The following PTPN23 variants were observed in gnomAD, a reference collection of about 807,000 sequenced individuals.
The protein encoded by PTPN23 is tyrosine-protein phosphatase non-receptor type 23.
PTPN23 carries 72 observed loss-of-function variants against 156.3 expected under a neutral mutation model. The ratio of observed to expected loss-of-function variants is 0.46; its 90% confidence interval spans 0.38 to 0.56. The LOEUF (loss-of-function observed/expected upper bound fraction) is 0.56. Ranked by LOEUF, PTPN23 falls within the 20% of genes least tolerant of loss-of-function variation. The probability of loss-of-function intolerance (pLI) is 0.00; values close to 1 mark genes in which losing one functional copy is unlikely to be tolerated. For missense variants in PTPN23, 1,974 were observed against 2,171.5 expected (o/e 0.91, Z 1.81); for synonymous variants, 957 against 899.6 (o/e 1.06, Z -1.14).
Position 47,409,258 on chromosome 3 carries a change from C to T in PTPN23, c.1738C>T (p.Leu580Phe), listed in dbSNP as rs746082375. Residue 580 changes from leucine to phenylalanine, a missense_variant, in exon 17 of 25, where the codon CTT becomes TTT. Around this residue, in one of 4 missense-constraint regions of PTPN23, gnomAD observed 726 missense variants for 929.5 expected, o/e 0.78. Coordinates refer to ENST00000265562, the MANE Select transcript of PTPN23 (RefSeq NM_015466.4). ...RVSLEQQLRELIQKDDITASL... is the reference protein window; with the variant it reads ...RVSLEQQLREFIQKDDITASL... Reference sequence around the variant, plus strand: ...GTCCCTGGAGCAGCAGCTGCGTGAGCTTATCCAGAAAGATGACATCACTGC... The same window carrying T: ...GTCCCTGGAGCAGCAGCTGCGTGAGTTTATCCAGAAAGATGACATCACTGC... 362 of 1,614,162 alleles carry T rather than the reference C, an allele frequency of 2.2e-4. 4 individuals carry two copies. The highest frequency in any genetic ancestry group is 2.2e-3 in the South Asian group (196 of 91,088).
At chr3:47,408,076 G>T (rs966612432) in intron 14 of PTPN23, 121 bp downstream of exon 14, 1 of 1,274,048 alleles carries the variant, frequency 7.8e-7, no homozygotes. Flanking sequence ...GTTTCCCAAT[G>T]CTGCCTTCCC....
In PTPN23 at chr3:47,406,659, C is replaced by A. The variant is rs770012889; in HGVS notation, c.760-44C>A. 1 of 1,613,920 alleles carries A rather than the reference C, an allele frequency of 6.2e-7. No individual in the cohort carries two copies. Among genetic ancestry groups the A allele is most frequent in the Non-Finnish European group, 8.5e-7 (1 of 1,179,938 alleles). On this transcript the variant is annotated intron_variant, in intron 8 of 24. Coordinates refer to ENST00000265562, the MANE Select transcript of PTPN23 (RefSeq NM_015466.4). This position sits in a 1 kb window ranked among gnomAD's most constrained non-coding sequence, Gnocchi z 5.8. ...GCGGGGCAGGGCGGGGCTGAGTGGC[C>A]ACAGCTCAGGAAGCAAGTCGTGGCG...
At chr3:47,399,717 C>T (rs1029961932) in intron 2 of PTPN23, among the ~76,000 whole-genome samples, 7 of 152,182 alleles carry the variant, frequency 4.6e-5, no homozygotes, top group Non-Finnish European at 8.8e-5. Flanking sequence ...TTTTCCAGTG[C>T]GAAAAAAGCT....
Position 47,411,321 on chromosome 3 carries a change from C to T in PTPN23, c.3523C>T (p.Gln1175Ter). The T allele has an allele frequency of 6.2e-7, 1 of 1,612,738 alleles. No individual in the cohort carries two copies. Among genetic ancestry groups the T allele is most frequent in the Non-Finnish European group, 8.5e-7 (1 of 1,179,978 alleles). Residue 1175 changes from glutamine (Q) to a stop codon, truncating the protein, a stop_gained, in exon 20 of 25, where the codon CAG becomes TAG. Transcript: ENST00000265562. LOFTEE classifies it high-confidence loss of function. The surrounding 1 kb of genome is among the most constrained non-coding windows in gnomAD (Gnocchi z 6.3). ...YEHPERLRQL[Q>*]QELEAFRGQL... ...GCATCCTGAGAGGCTGCGGCAGTTG[C>T]AGCAGGAGCTGGAGGCCTTTCGGGG...
At chr3:47,396,906 A>C (rs1704890740) in intron 2 of PTPN23, among the ~76,000 whole-genome samples, 1 of 152,204 alleles carries the variant, frequency 6.6e-6, no homozygotes, top group African/African-American at 2.4e-5. Flanking sequence ...CTCCAGCCTG[A>C]GTGACAAAGT....
Position 47,407,780 on chromosome 3 carries a change from A to G in PTPN23, c.1087A>G (p.Met363Val). 1 of 1,613,708 alleles carries G rather than the reference A, an allele frequency of 6.2e-7. No individual in the cohort carries two copies. Among genetic ancestry groups the G allele is most frequent in the East Asian group, 2.2e-5 (1 of 44,852 alleles). ...GPDIFAKLVP[M>V]AAHEASSLYS... ...TGACATCTTTGCCAAACTGGTACCCATGGCTGCCCACGAGGCCTCGTCACT... is the reference window on the plus strand; with the variant it reads ...TGACATCTTTGCCAAACTGGTACCCGTGGCTGCCCACGAGGCCTCGTCACT... The change falls in exon 13 of 25, where the codon ATG becomes GTG. Residue 363 changes from methionine (M) to valine (V), a missense_variant. Met to Val is a conservative substitution (Grantham distance 21). Transcript: ENST00000265562. The surrounding 1 kb of genome is among the most constrained non-coding windows in gnomAD (Gnocchi z 4.0).
rs1247839929 is a variant in PTPN23, at chr3:47,411,866, C to A, written c.3972C>A (p.Arg1324=). 9 of 1,613,246 alleles carry A rather than the reference C, an allele frequency of 5.6e-6. No individual in the cohort carries two copies. The highest frequency in any genetic ancestry group is 6.8e-6 in the Non-Finnish European group (8 of 1,180,004). The change falls in exon 21 of 25, where the codon CGC becomes CGA. Residue 1324 remains arginine (R), a synonymous_variant. Transcript: ENST00000265562. The surrounding 1 kb of genome is among the most constrained non-coding windows in gnomAD (Gnocchi z 6.3). ...TGAGCCTGGCATTGAGCAGCGTCCG[C>A]AGCACCGAAACCCATGTGGAGCGCG... ...GALSLALSSV[R]STETHVERVL...
rs755640656 is a variant in PTPN23 at position 47,410,627 on chromosome 3, C to T, written c.2829C>T (p.Pro943=). The stretch of plus-strand genomic sequence containing the variant: ...AGCACCACTTCTCTTCTGGGATCCC[C>T]GCAGGTTTTCCAGCCCCAAGGATTG... ...PAQHHFSSGI[P]AGFPAPRIGP... The change falls in exon 20 of 25, where the codon CCC becomes CCT. Residue 943 remains proline (P), a synonymous_variant. Coordinates refer to ENST00000265562, the MANE Select transcript of PTPN23 (RefSeq NM_015466.4). 31 of 1,612,056 alleles carry T rather than the reference C, an allele frequency of 1.9e-5. No individual in the cohort carries two copies. Among genetic ancestry groups the T allele is most frequent in the South Asian group, 1.3e-4 (12 of 90,996 alleles).
In PTPN23 at chr3:47,409,224, C is replaced by G; in HGVS notation, c.1704C>G (p.Asp568Glu). 6.2e-7 allele frequency: 1 copy of G among 1,614,192 alleles called. No individual in the cohort carries two copies. Among genetic ancestry groups the G allele is most frequent in the Non-Finnish European group, 8.5e-7 (1 of 1,180,044 alleles). Residue 568 changes from aspartate (D) to glutamate (E), a missense_variant, in exon 17 of 25, where the codon GAC (aspartate) becomes GAG (glutamate). Asp to Glu is a conservative substitution (Grantham distance 45). Transcript: ENST00000265562. ...TGGCTAAGGTGCAGGAGATGCGGGA[C>G]CAGCGCGTGTCCCTGGAGCAGCAGC... ...RILAKVQEMR[D>E]QRVSLEQQLR... is the part of the protein sequence containing the mutation.
At chr3:47,382,022 G>T (rs772818834) in intron 1 of PTPN23, among the ~76,000 whole-genome samples, 4 of 152,160 alleles carry the variant, frequency 2.6e-5, no homozygotes, top group Non-Finnish European at 4.4e-5. Flanking sequence ...CGTCGCAGGT[G>T]GGGGGCCTTG....
chr3:47,411,647 A>G lies in PTPN23; in HGVS notation c.3849A>G (p.Ser1283=), dbSNP rs2107725722. The part of the protein sequence containing the change: ...FWLMVHEQKV[S]VIVMLVSEAE... ...TCATGGTCCATGAGCAGAAAGTGTCAGTCATTGTCATGCTGGTTTCTGAGG... is the reference window on the plus strand; with the variant it reads ...TCATGGTCCATGAGCAGAAAGTGTCGGTCATTGTCATGCTGGTTTCTGAGG... The change falls in exon 20 of 25, where the codon TCA becomes TCG. Residue 1283 remains serine (S), a synonymous_variant. Coordinates refer to ENST00000265562, the MANE Select transcript of PTPN23 (RefSeq NM_015466.4). This position sits in a 1 kb window ranked among gnomAD's most constrained non-coding sequence, Gnocchi z 6.3. 2 of 1,608,398 alleles carry G rather than the reference A, an allele frequency of 1.2e-6. No individual in the cohort carries two copies. The highest frequency in any genetic ancestry group is 1.7e-6 in the Non-Finnish European group (2 of 1,176,864).
rs934068242 is a variant in PTPN23 at position 47,410,034 on chromosome 3, C to T, written c.2236C>T (p.Arg746Cys). Reference protein sequence around the residue: ...VEAGDPPEELRSLPPDMVAGP... With the variant: ...VEAGDPPEELCSLPPDMVAGP... ...AGCAGGAGACCCCCCTGAGGAGCTG[C>T]GCAGCCTCCCCCCTGACATGGTGGC... Residue 746 changes from arginine to cysteine, a missense_variant, in exon 20 of 25, where the codon CGC becomes TGC. Physicochemically the swap from Arg to Cys is radical, Grantham distance 180 (BLOSUM62 -3). This residue lies in a region of PTPN23 where 731 missense variants were observed against 669.1 expected (regional missense o/e 1.09). Transcript: ENST00000265562. 1.9e-5 allele frequency: 30 copies of T among 1,610,752 alleles called. No homozygotes were observed. The highest frequency in any genetic ancestry group is 2.4e-5 in the Non-Finnish European group (28 of 1,178,756).
chr3:47,409,283 C>G lies in PTPN23; in HGVS notation c.1763C>G (p.Ala588Gly). 6.2e-7 allele frequency: 1 copy of G among 1,614,118 alleles called. No individual in the cohort carries two copies. The highest frequency in any genetic ancestry group is 2.2e-5 in the East Asian group (1 of 44,886). The change falls in exon 17 of 25, where the codon GCC (alanine) becomes GGC (glycine). Residue 588 changes from alanine to glycine, a missense_variant. By Grantham distance (60) the Ala-to-Gly change is moderately conservative. Coordinates refer to ENST00000265562, the MANE Select transcript of PTPN23 (RefSeq NM_015466.4). ...CTTATCCAGAAAGATGACATCACTG[C>G]CTCGCTGGTCACCACAGACCACTCA... ...RELIQKDDIT[A>G]SLVTTDHSEM...
rs751211806 is a variant in PTPN23 at position 47,407,854 on chromosome 3, T to A, written c.1119-36T>A. On this transcript the variant is annotated intron_variant, in intron 13 of 24. Transcript: ENST00000265562. This position sits in a 1 kb window ranked among gnomAD's most constrained non-coding sequence, Gnocchi z 4.0. Reference sequence around the variant, plus strand: ...CAGAGGGAGGTGGGGTGTCTTGAGATGTGGGTCTTCAGCAAATGCTCTGTC... The same window carrying A: ...CAGAGGGAGGTGGGGTGTCTTGAGAAGTGGGTCTTCAGCAAATGCTCTGTC... 1 of 1,614,034 alleles carries A rather than the reference T, an allele frequency of 6.2e-7. No individual in the cohort carries two copies. The highest frequency in any genetic ancestry group is 8.5e-7 in the Non-Finnish European group (1 of 1,179,974).
At position 47,410,972 on chromosome 3, in the gene PTPN23, A is replaced by G. The variant is rs1705269863; in HGVS notation, c.3174A>G (p.Arg1058=). ...PLAYGPAPST[R]PMGPQAAPLT... The stretch of plus-strand genomic sequence containing the variant: ...CATATGGTCCTGCCCCTTCTACCAG[A>G]CCCATGGGCCCCCAGGCAGCCCCTC... The change falls in exon 20 of 25, where the codon AGA becomes AGG. Residue 1058 remains arginine, a synonymous_variant. Transcript: ENST00000265562. 6.2e-7 allele frequency: 1 copy of G among 1,603,802 alleles called. No homozygotes were observed. The highest frequency in any genetic ancestry group is 8.5e-7 in the Non-Finnish European group (1 of 1,175,374).
chr3:47,410,843 C>T lies in PTPN23; in HGVS notation c.3045C>T (p.His1015=), dbSNP rs751262112. 2 of 1,604,968 alleles carry T rather than the reference C, an allele frequency of 1.2e-6. No individual in the cohort carries two copies. ...GVLGQPPPPL[H]TQLYPGPAQD... is the part of the protein sequence containing the mutation. ...TGGGGCAGCCGCCACCCCCCCTACA[C>T]ACCCAGCTCTACCCAGGTCCCGCTC... Residue 1015 remains histidine, a synonymous_variant, in exon 20 of 25, where the codon CAC becomes CAT. Coordinates refer to ENST00000265562, the MANE Select transcript of PTPN23 (RefSeq NM_015466.4).
In PTPN23 at chr3:47,411,756, G is replaced by A. The variant is rs1705299480; in HGVS notation, c.3889-27G>A. On this transcript the variant is annotated intron_variant, in intron 20 of 24. Coordinates refer to ENST00000265562, the MANE Select transcript of PTPN23 (RefSeq NM_015466.4). This position sits in a 1 kb window ranked among gnomAD's most constrained non-coding sequence, Gnocchi z 6.3. ...AGGGCAGGGGATCCTGGAAAACCAG[G>A]TCTGTCTTGGCTTATCTGTCCCTCA... 2 of 1,594,480 alleles carry A rather than the reference G, an allele frequency of 1.3e-6. No individual in the cohort carries two copies. The highest frequency in any genetic ancestry group is 1.7e-4 in the Middle Eastern group (1 of 5,986).
At chr3:47,388,706 GC>G (rs1289240069) in intron 1 of PTPN23, among the ~76,000 whole-genome samples, 1 of 125,140 alleles carries the variant, frequency 8.0e-6, no homozygotes, top group Non-Finnish European at 1.6e-5. Context: ...GCCTTGTCAC[GC>G]AGGCTAGAGT....
rs1249280503 is a variant in PTPN23 at position 47,405,126 on chromosome 3, C to G, written c.364+45C>G. The stretch of plus-strand genomic sequence containing the variant: ...CCCCCGGCCCTACTCCCCAGTCCTG[C>G]CAGCCTAGCTTTCAGCTCTTCAGAT... On this transcript the variant is annotated intron_variant, in intron 4 of 24. Coordinates refer to ENST00000265562, the MANE Select transcript of PTPN23 (RefSeq NM_015466.4). The surrounding 1 kb of genome is among the most constrained non-coding windows in gnomAD (Gnocchi z 4.7). 2.5e-6 allele frequency: 4 copies of G among 1,575,356 alleles called. No homozygotes were observed. Among genetic ancestry groups the G allele is most frequent in the Non-Finnish European group, 3.5e-6 (4 of 1,145,198 alleles).
Sources: gnomAD v4.1 joint callset for allele counts (sites outside exome capture counted in the v4.1 genomes callset) on GRCh38, gnomAD v4.1.1 for gene constraint, gnomAD v4.1.1 regional missense constraint, Gnocchi (gnomAD v3.1) non-coding constraint, MANE v1.5 for transcripts, NCBI Gene and HGNC (gene_info 2026-07-23, HGNC 2026-07-21) for gene names.